HCN1: variants seen among roughly 807,000 people sequenced by gnomAD.
HCN1 encodes potassium/sodium hyperpolarization-activated cyclic nucleotide-gated channel 1.
HCN1 carries 13 observed loss-of-function variants against 78.9 expected under a neutral mutation model. The ratio of observed to expected loss-of-function variants is 0.16; its 90% CI spans 0.11 to 0.26. The LOEUF is 0.26. HCN1 is among the 10% of genes least tolerant of loss of function. HCN1 has a pLI of 1.00. For synonymous variants in HCN1, 552 were observed against 455.5 expected (o/e 1.21, Z -2.70); for missense variants, 810 against 1,154.3 (o/e 0.70, Z 4.32).
Position 45,262,081 on chromosome 5 carries a change from C to CGCT in HCN1, c.2510_2512dup (p.Gln837dup). The CGCT allele has an allele frequency of 6.2e-7, 1 of 1,613,152 alleles. No individual in the cohort carries two copies. Among genetic ancestry groups the CGCT allele is most frequent in the Non-Finnish European group, 8.5e-7 (1 of 1,179,450 alleles). Reference sequence around the variant, plus strand: ...CGACATCTGTCGGAAGAGGGTGACGCGCTGCGGGACAGTGCTCCTGCCCCC... The same window carrying CGCT: ...CGACATCTGTCGGAAGAGGGTGACGCGCTGCTGCGGGACAGTGCTCCTGCCCCC... On this transcript the variant is annotated inframe_insertion, in exon 8 of 8. Coordinates refer to ENST00000303230, the MANE Select transcript of HCN1 (RefSeq NM_021072.4).
intron 2 of HCN1, among the ~76,000 whole-genome samples, chr5:45,521,342 A>G (rs984264881): frequency 2.0e-5 from 3 of 151,930 alleles, no homozygotes; most frequent in Admixed American, 6.6e-5. Flanking sequence ...GGTACCACAG[A>G]CTAGATAGAT....
chr5:45,675,982 TG>T, intron 1 of HCN1, among the ~76,000 whole-genome samples: 1 of 151,788 alleles, frequency 6.6e-6, no homozygotes, highest in African/African-American at 2.4e-5. Context: ...GACTCAGTCC[TG>T]TTGGTCATTG....
At chr5:45,441,517 G>C (rs376710367) in intron 3 of HCN1, among the ~76,000 whole-genome samples, 1 of 152,128 alleles carries the variant, frequency 6.6e-6, no homozygotes, top group Non-Finnish European at 1.5e-5. Flanking sequence ...GTATGGGAAG[G>C]GGTGTTATAC....
At chr5:45,654,139 T>C (rs527691561) in intron 1 of HCN1, among the ~76,000 whole-genome samples, 5 of 152,140 alleles carry the variant, frequency 3.3e-5, no homozygotes, top group African/African-American at 1.2e-4. Flanking sequence ...GCCACAAGTT[T>C]CACTTTGCAG....
intron 3 of HCN1, among the ~76,000 whole-genome samples, chr5:45,425,016 T>C (rs1000603914): frequency 6.6e-6 from 1 of 152,200 alleles, no homozygotes; most frequent in Admixed American, 6.5e-5. Context: ...CATTTGAATA[T>C]AATTAAACCG....
chr5:45,659,178 C>A lies in HCN1; in HGVS notation c.426-13570G>T, dbSNP rs1471820464. On this transcript the variant is annotated intron_variant, in intron 1 of 7. Coordinates refer to ENST00000303230, the MANE Select transcript of HCN1 (RefSeq NM_021072.4). Reference sequence around the variant, plus strand: ...CCCGAGCAGCCTAACTGGGAGGCACCCCCCAGCAGGGGCACACTGACACCT... The same window carrying A: ...CCCGAGCAGCCTAACTGGGAGGCACACCCCAGCAGGGGCACACTGACACCT... 2.7e-5 allele frequency among the ~76,000 whole-genome samples: 4 copies of A among 149,436 alleles called. No individual in the cohort carries two copies. In the South Asian group the frequency reaches 8.6e-4, roughly 32 times the overall value.
intron 5 of HCN1, among the ~76,000 whole-genome samples, chr5:45,312,613 C>T (rs184026864): frequency 1.3e-5 from 2 of 152,332 alleles, no homozygotes; most frequent in East Asian, 3.9e-4. Context: ...ATTCCCTTTC[C>T]TAGCCAAGGG....
intron 2 of HCN1, among the ~76,000 whole-genome samples, chr5:45,477,788 C>T (rs1034138651): frequency 6.6e-6 from 1 of 151,678 alleles, no homozygotes; most frequent in African/African-American, 2.4e-5. Context: ...AAAAAATAAG[C>T]CAATAAAAGT....
chr5:45,619,726 A>T (rs989681244), intron 2 of HCN1, among the ~76,000 whole-genome samples: 1 of 152,132 alleles, frequency 6.6e-6, no homozygotes, highest in Non-Finnish European at 1.5e-5. Flanking sequence ...AGTGGACTAA[A>T]CTTTAAGGAC....
intron 4 of HCN1, among the ~76,000 whole-genome samples, chr5:45,370,427 C>T (rs1348121569): frequency 6.6e-6 from 1 of 151,926 alleles, no homozygotes; most frequent in Non-Finnish European, 1.5e-5. Flanking sequence ...ATATATTCAA[C>T]ATACTGTTAT....
intron 2 of HCN1, among the ~76,000 whole-genome samples, chr5:45,511,315 G>T (rs1340744482): frequency 6.6e-6 from 1 of 151,910 alleles, no homozygotes; most frequent in African/African-American, 2.4e-5. Context: ...AAGTTACGTA[G>T]GTACACTCCC....
At chr5:45,349,161 A>G (rs901247052) in intron 5 of HCN1, among the ~76,000 whole-genome samples, 2 of 152,218 alleles carry the variant, frequency 1.3e-5, no homozygotes, top group Non-Finnish European at 2.9e-5. Context: ...AACAGAAATT[A>G]TAACAAACTG....
chr5:45,351,060 A>C (rs1003965950), intron 5 of HCN1, among the ~76,000 whole-genome samples: 4 of 152,170 alleles, frequency 2.6e-5, no homozygotes, highest in African/African-American at 9.7e-5. Context: ...AAGAGCCCGC[A>C]TCACCAAGTC....
intron 2 of HCN1, among the ~76,000 whole-genome samples, chr5:45,557,472 A>G (rs982541667): frequency 2.0e-4 from 30 of 152,010 alleles, no homozygotes; most frequent in Admixed American, 7.9e-4. Flanking sequence ...ATGCTTTATC[A>G]TTGCTCCTAA....
chr5:45,371,786 C>T (rs535728877), intron 4 of HCN1, among the ~76,000 whole-genome samples: 6 of 139,912 alleles, frequency 4.3e-5, no homozygotes, highest in Non-Finnish European at 9.1e-5. Flanking sequence ...TATATGTACA[C>T]ACACACATAC....
chr5:45,310,675 A>G (rs1579799638), intron 5 of HCN1, among the ~76,000 whole-genome samples: 1 of 152,184 alleles, frequency 6.6e-6, no homozygotes. Flanking sequence ...GTATAAACCC[A>G]AAGGAATATA....
At chr5:45,347,415 G>A (rs1746767672) in intron 5 of HCN1, among the ~76,000 whole-genome samples, 1 of 152,076 alleles carries the variant, frequency 6.6e-6, no homozygotes, top group Non-Finnish European at 1.5e-5. Context: ...CAAAGATGGG[G>A]AAAAAACAGC....
intron 5 of HCN1, among the ~76,000 whole-genome samples, chr5:45,304,754 G>A (rs901890615): frequency 1.3e-5 from 2 of 152,088 alleles, no homozygotes; most frequent in Non-Finnish European, 2.9e-5. Context: ...AAAGACTCCT[G>A]GGATTCCCCT....
intron 3 of HCN1, among the ~76,000 whole-genome samples, chr5:45,442,189 G>A (rs1245620020): frequency 1.3e-5 from 2 of 152,100 alleles, no homozygotes; most frequent in African/African-American, 4.8e-5. Context: ...AAGTCCAGCT[G>A]AACTGCTAAA....
Sources: allele counts gnomAD v4.1 joint callset (sites outside exome capture counted in the v4.1 genomes callset), GRCh38; gene constraint gnomAD v4.1.1; transcripts MANE v1.5; gene names NCBI Gene and HGNC (gene_info 2026-07-23, HGNC 2026-07-21).